The following GPC3 variants were observed in gnomAD, a reference collection of about 807,000 sequenced individuals.
GPC3 encodes the protein glypican 3.
Under a neutral mutation model 34.4 loss-of-function variants are expected in GPC3, and 3 were observed. The observed-to-expected ratio is 0.09, with a 90% confidence interval of 0.04 to 0.23. The LOEUF (loss-of-function observed/expected upper bound fraction) is 0.23, where lower values mean the gene tolerates loss of function less well. GPC3 is among the 10% of genes least tolerant of loss of function. GPC3 has a pLI of 1.00. For synonymous variants in GPC3, 177 were observed against 174.0 expected (o/e 1.02, Z -0.13); for missense variants, 351 against 445.6 (o/e 0.79, Z 1.91).
At chrX:133,651,533 A>G (rs779637731) in intron 6 of GPC3, among the ~76,000 whole-genome samples, 1 of 111,699 alleles carries the variant, frequency 9.0e-6, no homozygotes, top group Non-Finnish European at 1.9e-5. Context: ...GTAATACTTC[A>G]CATTTATCCC....
chrX:133,900,864 G>A (rs959287808), intron 2 of GPC3, among the ~76,000 whole-genome samples: 5 of 111,317 alleles, frequency 4.5e-5, no homozygotes, highest in Non-Finnish European at 1.9e-5. Context: ...TGATACCAAA[G>A]GGTTTACTGA....
intron 6 of GPC3, among the ~76,000 whole-genome samples, chrX:133,635,459 G>C (rs1456629422): frequency 2.7e-5 from 3 of 111,779 alleles, no homozygotes; most frequent in Non-Finnish European, 5.6e-5. Context: ...ATGTTAAACT[G>C]TATTTTAAAA....
chrX:133,612,443 C>T (rs761935838), intron 6 of GPC3, among the ~76,000 whole-genome samples: 15 of 111,990 alleles, frequency 1.3e-4, no homozygotes, highest in Non-Finnish European at 2.3e-4. Flanking sequence ...CCTCTCTCTC[C>T]GTCCTTGTAA....
chrX:133,794,871 G>C (rs2075570510), intron 2 of GPC3, among the ~76,000 whole-genome samples: 1 of 112,283 alleles, frequency 8.9e-6, no homozygotes, highest in East Asian at 2.8e-4. Context: ...TTTTTGTATT[G>C]GCTCCAATGG....
At chrX:133,951,154 ATT>A (rs2076391840) in intron 2 of GPC3, among the ~76,000 whole-genome samples, 2 of 106,992 alleles carry the variant, frequency 1.9e-5, no homozygotes, top group South Asian at 8.6e-4. Flanking sequence ...TGCTGCCCCC[ATT>A]TTCTACCCTC....
intron 6 of GPC3, among the ~76,000 whole-genome samples, chrX:133,650,442 C>T (rs1410500139): frequency 1.0e-5 from 1 of 96,298 alleles, no homozygotes; most frequent in African/African-American, 3.8e-5. Flanking sequence ...GATTTAAACA[C>T]ACCCACACAC....
intron 7 of GPC3, among the ~76,000 whole-genome samples, chrX:133,567,432 A>G (rs2069592289): frequency 8.9e-6 from 1 of 112,180 alleles, no homozygotes; most frequent in African/African-American, 3.2e-5. Flanking sequence ...GTTCTGATAG[A>G]ATATTAAAGA....
intron 2 of GPC3, among the ~76,000 whole-genome samples, chrX:133,785,075 G>A (rs2072087806): frequency 8.9e-6 from 1 of 111,894 alleles, no homozygotes; most frequent in Admixed American, 9.5e-5. Flanking sequence ...AATAAACCAG[G>A]ATGGGAACTT....
intron 2 of GPC3, among the ~76,000 whole-genome samples, chrX:133,871,744 A>C (rs1419756578): frequency 8.9e-6 from 1 of 112,350 alleles, no homozygotes; most frequent in African/African-American, 3.2e-5. Flanking sequence ...TGTACAGTAC[A>C]TGATAAGTAG....
At chrX:133,774,552 T>G (rs2071956491) in intron 2 of GPC3, among the ~76,000 whole-genome samples, 1 of 111,305 alleles carries the variant, frequency 9.0e-6, no homozygotes, top group African/African-American at 3.3e-5. Context: ...TATCTAATTA[T>G]GGCATCATGT....
chrX:133,848,798 T>C (rs751849576), intron 2 of GPC3, among the ~76,000 whole-genome samples: 1 of 110,632 alleles, frequency 9.0e-6, no homozygotes, highest in Non-Finnish European at 1.9e-5. Context: ...TCTCTAAATA[T>C]GTCTGGGAGG....
chrX:133,795,665 G>T (rs1490398133), intron 2 of GPC3, among the ~76,000 whole-genome samples: 3 of 111,030 alleles, frequency 2.7e-5, no homozygotes, highest in Non-Finnish European at 5.7e-5. Context: ...TTTTTTAAAG[G>T]TTATGTTACA....
intron 6 of GPC3, among the ~76,000 whole-genome samples, chrX:133,651,905 AC>A (rs1325017016): frequency 8.9e-6 from 1 of 112,338 alleles, no homozygotes; most frequent in Non-Finnish European, 1.9e-5. Flanking sequence ...TGAAATCTAG[AC>A]CCAGCATGTC....
chrX:133,786,456 A>G (rs2072102371), intron 2 of GPC3, among the ~76,000 whole-genome samples: 1 of 112,689 alleles, frequency 8.9e-6, no homozygotes, highest in African/African-American at 3.2e-5. Context: ...CACAACTGAG[A>G]CAGCCAAATG....
intron 6 of GPC3, among the ~76,000 whole-genome samples, chrX:133,640,745 C>G (rs1185100094): frequency 1.8e-5 from 2 of 112,350 alleles, no homozygotes; most frequent in Admixed American, 1.9e-4. Flanking sequence ...ATTTCATACC[C>G]TCTATTTTTC....
At chrX:133,622,999 A>G (rs2070251117) in intron 6 of GPC3, among the ~76,000 whole-genome samples, 1 of 112,252 alleles carries the variant, frequency 8.9e-6, no homozygotes, top group African/African-American at 3.2e-5. Context: ...AGTGGGGGCC[A>G]ATATTCAACA....
At chrX:133,778,568 T>C (rs769919390) in intron 2 of GPC3, among the ~76,000 whole-genome samples, 5 of 112,389 alleles carry the variant, frequency 4.4e-5, no homozygotes, top group Non-Finnish European at 7.5e-5. Flanking sequence ...TCAAGTACTG[T>C]TATGTCTGGC....
intron 2 of GPC3, among the ~76,000 whole-genome samples, chrX:133,779,256 C>T (rs1334768949): frequency 1.8e-5 from 2 of 112,772 alleles, no homozygotes; most frequent in Non-Finnish European, 3.7e-5. Flanking sequence ...CAATCATTTG[C>T]ATCACTGCAA....
chrX:133,576,306 C>T (rs753588116), intron 7 of GPC3, among the ~76,000 whole-genome samples: 2 of 110,989 alleles, frequency 1.8e-5, no homozygotes, highest in Non-Finnish European at 3.8e-5. Context: ...TGCAGTGCTG[C>T]GATATTGGCT....
Sources: gnomAD v4.1 joint callset for allele counts (sites outside exome capture counted in the v4.1 genomes callset) on GRCh38, gnomAD v4.1.1 for gene constraint, MANE v1.5 for transcripts, NCBI Gene and HGNC (gene_info 2026-07-23, HGNC 2026-07-21) for gene names.